RPGR: variants seen among roughly 807,000 people sequenced by gnomAD.
RPGR encodes retinitis pigmentosa GTPase regulator, also known as X-linked retinitis pigmentosa GTPase regulator.
Under a neutral mutation model 56.3 loss-of-function variants are expected in RPGR, and 10 were observed. The observed-to-expected ratio is 0.18, with a 90% CI of 0.11 to 0.30. RPGR has a LOEUF of 0.30. RPGR is among the 10% of genes least tolerant of loss of function. The probability of loss-of-function intolerance (pLI) is 1.00; values close to 1 mark genes in which losing one functional copy is unlikely to be tolerated. For missense variants in RPGR, 538 were observed against 590.9 expected, an observed-to-expected ratio of 0.91 and a Z score of 0.93; for synonymous variants, 197 against 212.9, an observed-to-expected ratio of 0.93 and a Z score of 0.65.
At chrX:38,304,815 GA>G in intron 7 of RPGR, 25 bp from the exon 8 acceptor site, 2 of 1,195,901 alleles carry the variant, frequency 1.7e-6, no homozygotes, top group Non-Finnish European at 2.3e-6. Context: ...GCAAATACAA[GA>G]CAAGGATTAT....
chrX:38,273,476 T>C lies in RPGR; in HGVS notation c.2151A>G (p.Gly717=). 2 of 1,186,422 alleles carry C rather than the reference T, an allele frequency of 1.7e-6. No homozygotes were observed. Among genetic ancestry groups the C allele is most frequent in the Non-Finnish European group, 2.3e-6 (2 of 874,859 alleles). ...TGCTATCTGCATCATCAAGCATGTA[T>C]CCTACAATTGGATCATTCAGAAATA... Residue 717 remains glycine (G), a splice_region_variant and synonymous_variant, in exon 18 of 19, where the codon GGA becomes GGG. Transcript: ENST00000642395.
chrX:38,283,098 T>A (rs143165688), intron 15 of RPGR, among the ~76,000 whole-genome samples: 1,261 of 111,015 alleles, frequency 0.011, 20 homozygotes, highest in African/African-American at 0.039. Flanking sequence ...AACATGTAAA[T>A]CACTTCTGTC....
intron 9 of RPGR, among the ~76,000 whole-genome samples, chrX:38,299,558 C>T (rs1194842565): frequency 1.8e-5 from 2 of 111,263 alleles, no homozygotes; most frequent in Admixed American, 1.9e-4. Flanking sequence ...ATAAATCAGT[C>T]TCTTGAGCTA....
At chrX:38,321,156 G>A (rs2067932511) in intron 3 of RPGR, 67 bp from the exon 4 acceptor site, 1 of 802,298 alleles carries the variant, frequency 1.2e-6, no homozygotes. Flanking sequence ...CAGGACAAAT[G>A]GTAACTAAGT....
chrX:38,281,518 T>C (rs2067031351), intron 15 of RPGR, among the ~76,000 whole-genome samples: 1 of 112,291 alleles, frequency 8.9e-6, no homozygotes, highest in Non-Finnish European at 1.9e-5. Flanking sequence ...TTATGTTACA[T>C]TTAAACAAAA....
rs112368541 is a variant in RPGR at position 38,269,840 on chromosome X, A to G, written c.2242-8T>C. On this transcript the variant is annotated splice_region_variant and splice_polypyrimidine_tract_variant and intron_variant, in intron 18 of 18. Transcript: ENST00000642395. The stretch of plus-strand genomic sequence containing the variant: ...TCTTTTGAACAGAAAAATCTAGGAA[A>G]AAAACCACACACACAAATATTCATT... 2.0e-3 allele frequency: 2,277 copies of G among 1,122,026 alleles called. 24 individuals carry two copies. In the African/African-American group the frequency reaches 0.036, roughly 18 times the overall value. The allele number at this position is 1,122,026 out of a possible 1,213,427, so 92.5% of individuals were successfully genotyped here.
chrX:38,312,236 TG>T (rs1297506382), intron 6 of RPGR, among the ~76,000 whole-genome samples: 2 of 111,815 alleles, frequency 1.8e-5, no homozygotes, highest in Admixed American at 9.5e-5. Flanking sequence ...GGCACAAAAG[TG>T]GTGCCCAGTA....
intron 11 of RPGR, among the ~76,000 whole-genome samples, chrX:38,293,519 T>G (rs2067325482): frequency 8.9e-6 from 1 of 112,263 alleles, no homozygotes; most frequent in East Asian, 2.8e-4. Context: ...AGGAATTCAC[T>G]GAAGACACTG....
At chrX:38,323,650 G>A (rs1384690331) in intron 1 of RPGR, 126 bp from the exon 2 acceptor site, 2 of 683,694 alleles carry the variant, frequency 2.9e-6, no homozygotes, top group African/African-American at 4.4e-5. Flanking sequence ...CTCTGGCAAT[G>A]TTTAAGCCTT....
rs1310926514 is a variant in RPGR at position 38,285,175 on chromosome X, C to T, written c.1905+1919G>A. The T allele has an allele frequency of 7.4e-6, 6 of 813,884 alleles. No individual in the cohort carries two copies. In the East Asian group the frequency reaches 3.1e-4, roughly 42 times the overall value. The allele number at this position is 813,884 out of a possible 1,213,427, so 67.1% of individuals were successfully genotyped here. On this transcript the variant is annotated intron_variant, in intron 15 of 18. Coordinates refer to ENST00000642395, the MANE Select transcript of RPGR (RefSeq NM_000328.3). ...TTTTTATAGCCCTTAAGCATCTGTG[C>T]CATTTAAAAATGGAATGATTTGTAT...
At chrX:38,286,602 C>T (rs1415851884) in intron 15 of RPGR, 2 of 1,101,600 alleles carry the variant, frequency 1.8e-6, no homozygotes, top group African/African-American at 5.0e-5. Context: ...CCTCTGTTTC[C>T]TCCTCTTCCC....
At chrX:38,287,685 A>G (rs768031848) in intron 14 of RPGR, 176 bp downstream of exon 14, 1 of 532,940 alleles carries the variant, frequency 1.9e-6, no homozygotes, top group African/African-American at 2.3e-5. Context: ...TTTCCTTCTC[A>G]CTGTCTATTT....
intron 7 of RPGR, among the ~76,000 whole-genome samples, chrX:38,308,847 G>A (rs943141635): frequency 1.6e-4 from 18 of 110,708 alleles, no homozygotes; most frequent in East Asian, 8.4e-4. Context: ...TAATAACCAC[G>A]ACTGGGGCTA....
intron 3 of RPGR, among the ~76,000 whole-genome samples, chrX:38,321,348 G>A (rs1300181293): frequency 9.0e-6 from 1 of 111,360 alleles, no homozygotes; most frequent in Non-Finnish European, 1.9e-5. Flanking sequence ...CAGCGGCTAG[G>A]CATTTATATA....
chrX:38,313,154 A>T (rs1286965329), intron 6 of RPGR, among the ~76,000 whole-genome samples: 1 of 111,474 alleles, frequency 9.0e-6, no homozygotes, highest in African/African-American at 3.3e-5. Context: ...TGTCTCTCTC[A>T]GAGTTGTTTC....
chrX:38,297,067 A>G (rs1285592475), intron 11 of RPGR, among the ~76,000 whole-genome samples: 1 of 111,914 alleles, frequency 8.9e-6, no homozygotes, highest in East Asian at 2.8e-4. Flanking sequence ...TGCTCTATAA[A>G]GATATGCTGC....
intron 18 of RPGR, among the ~76,000 whole-genome samples, chrX:38,270,816 A>T (rs181882728): frequency 9.0e-6 from 1 of 110,513 alleles, no homozygotes; most frequent in Non-Finnish European, 1.9e-5. Flanking sequence ...GGTAGAAAAC[A>T]GAATATAAGA....
intron 7 of RPGR, among the ~76,000 whole-genome samples, chrX:38,305,081 G>T (rs2067571282): frequency 9.0e-6 from 1 of 111,574 alleles, no homozygotes. Context: ...ATAAGTCAGG[G>T]AACTACCTGA....
rs191730185 is a variant in RPGR at position 38,308,367 on chromosome X, T to C, written c.778+2248A>G. 2.9e-4 allele frequency: 33 copies of C among 112,381 alleles called. No homozygotes were observed. In the East Asian group the frequency reaches 8.3e-3, roughly 28 times the overall value. 9.3% of individuals were successfully genotyped at this position (112,381 alleles called of 1,213,427 possible). ...CAAAGTCCACAGAAAGTTAAATGTCTTTAAAACCACACGAAAATATCATCC... is the reference window on the plus strand; with the variant it reads ...CAAAGTCCACAGAAAGTTAAATGTCCTTAAAACCACACGAAAATATCATCC... On this transcript the variant is annotated intron_variant, in intron 7 of 18. Transcript: ENST00000642395.
Sources: allele counts gnomAD v4.1 joint callset (sites outside exome capture counted in the v4.1 genomes callset), GRCh38; gene constraint gnomAD v4.1.1; transcripts MANE v1.5; gene names NCBI Gene and HGNC (gene_info 2026-07-23, HGNC 2026-07-21).